Variants in IL1RAPL2 observed in about 807,000 individuals in gnomAD.
IL1RAPL2 encodes the protein interleukin 1 receptor accessory protein like 2.
In IL1RAPL2, 3 loss-of-function variants were observed where a neutral mutation model predicts 44.1. The ratio of observed to expected loss-of-function variants is 0.07; its 90% CI spans 0.03 to 0.18. The LOEUF (loss-of-function observed/expected upper bound fraction) is 0.18. IL1RAPL2 is among the 10% of genes least tolerant of loss of function. IL1RAPL2 has a pLI of 1.00. For missense variants in IL1RAPL2, 391 were observed against 496.4 expected (o/e 0.79, Z 2.02); for synonymous variants, 181 against 178.8 (o/e 1.01, Z -0.10).
At chrX:105,174,807 G>T (rs1033755830) in intron 2 of IL1RAPL2, among the ~76,000 whole-genome samples, 2 of 111,496 alleles carry the variant, frequency 1.8e-5, no homozygotes, top group Non-Finnish European at 3.8e-5. Context: ...CCCACTGCTG[G>T]TGCCTTTGAC....
intron 2 of IL1RAPL2, among the ~76,000 whole-genome samples, chrX:104,935,597 G>A (rs190483650): frequency 2.1e-4 from 23 of 112,110 alleles, no homozygotes; most frequent in African/African-American, 7.4e-4. Context: ...ACTTCTAGCC[G>A]AGGCTTTCCT....
intron 2 of IL1RAPL2, among the ~76,000 whole-genome samples, chrX:104,694,316 AT>A (rs1490225405): frequency 1.8e-5 from 2 of 111,875 alleles, no homozygotes; most frequent in Non-Finnish European, 3.8e-5. Context: ...ACTTAGAACT[AT>A]ATCCCCCACC....
At chrX:105,228,206 T>C (rs1318097874) in intron 3 of IL1RAPL2, among the ~76,000 whole-genome samples, 1 of 112,281 alleles carries the variant, frequency 8.9e-6, no homozygotes, top group African/African-American at 3.2e-5. Context: ...CATTAGATGG[T>C]CTCTGAAATT....
intron 5 of IL1RAPL2, among the ~76,000 whole-genome samples, chrX:105,335,834 T>C (rs1203050823): frequency 9.0e-6 from 1 of 111,547 alleles, no homozygotes; most frequent in African/African-American, 3.3e-5. Context: ...AATATTGTCT[T>C]TCTTGAGTAA....
chrX:105,612,616 G>A (rs2037344835), intron 6 of IL1RAPL2, among the ~76,000 whole-genome samples: 2 of 112,407 alleles, frequency 1.8e-5, no homozygotes, highest in Non-Finnish European at 3.8e-5. Context: ...AAGAAGGCAG[G>A]AAAGACGGTC....
chrX:105,765,647 T>C (rs1239095253), intron 10 of IL1RAPL2, among the ~76,000 whole-genome samples: 1 of 112,822 alleles, frequency 8.9e-6, no homozygotes, highest in Non-Finnish European at 1.9e-5. Context: ...AAGTTTCTTA[T>C]TTATCTGTAG....
chrX:105,723,203 A>G (rs1352985411), intron 7 of IL1RAPL2, among the ~76,000 whole-genome samples: 2 of 111,898 alleles, frequency 1.8e-5, no homozygotes, highest in Non-Finnish European at 3.8e-5. Context: ...GCACTAGGAC[A>G]TGAAGAAAAT....
At chrX:104,671,147 T>C (rs1223886498) in intron 2 of IL1RAPL2, among the ~76,000 whole-genome samples, 1 of 110,859 alleles carries the variant, frequency 9.0e-6, no homozygotes, top group Non-Finnish European at 1.9e-5. Flanking sequence ...CTATTATATA[T>C]GTATGTATAG....
intron 2 of IL1RAPL2, among the ~76,000 whole-genome samples, chrX:104,818,427 G>A (rs1687856081): frequency 9.2e-6 from 1 of 108,848 alleles, no homozygotes; most frequent in Non-Finnish European, 1.9e-5. Flanking sequence ...CTTGGGAGAA[G>A]TAGGTATTCT....
intron 2 of IL1RAPL2, among the ~76,000 whole-genome samples, chrX:104,791,767 C>T (rs1569315303): frequency 9.0e-6 from 1 of 111,480 alleles, no homozygotes; most frequent in Non-Finnish European, 1.9e-5. Flanking sequence ...CCTTAGGCTA[C>T]TCCCTTCCTC....
intron 2 of IL1RAPL2, among the ~76,000 whole-genome samples, chrX:105,096,466 G>A (rs1215237464): frequency 8.9e-6 from 1 of 112,522 alleles, no homozygotes; most frequent in Non-Finnish European, 1.9e-5. Flanking sequence ...CAACTTATGA[G>A]TGTATAAATA....
At chrX:105,346,343 G>T (rs956665073) in intron 5 of IL1RAPL2, among the ~76,000 whole-genome samples, 5 of 111,808 alleles carry the variant, frequency 4.5e-5, no homozygotes, top group Admixed American at 2.9e-4. Context: ...TTTCACTTTT[G>T]ATTTCTATGA....
intron 5 of IL1RAPL2, among the ~76,000 whole-genome samples, chrX:105,418,376 C>T (rs2035749722): frequency 9.0e-6 from 1 of 111,287 alleles, no homozygotes; most frequent in African/African-American, 3.3e-5. Flanking sequence ...GCTCTCCCTG[C>T]CTCAGTCTCA....
intron 2 of IL1RAPL2, among the ~76,000 whole-genome samples, chrX:105,144,668 A>T (rs1602977033): frequency 9.2e-6 from 1 of 108,769 alleles, no homozygotes; most frequent in African/African-American, 3.6e-5. Context: ...CTTTGTTCAC[A>T]GTGTTTCCTG....
chrX:105,714,004 G>A (rs1470889008), intron 6 of IL1RAPL2, among the ~76,000 whole-genome samples: 4 of 111,212 alleles, frequency 3.6e-5, no homozygotes, highest in East Asian at 2.9e-4. Flanking sequence ...ACCTTGCTGC[G>A]TTGATATTTC....
At chrX:105,735,485 C>A (rs2038440052) in intron 7 of IL1RAPL2, among the ~76,000 whole-genome samples, 1 of 111,292 alleles carries the variant, frequency 9.0e-6, no homozygotes, top group African/African-American at 3.3e-5. Context: ...TCCCAGGATT[C>A]CTCCCTTATA....
intron 2 of IL1RAPL2, among the ~76,000 whole-genome samples, chrX:104,761,505 C>T (rs922992214): frequency 6.3e-5 from 7 of 110,299 alleles, no homozygotes; most frequent in Non-Finnish European, 1.3e-4. Context: ...TCCGGCCCCT[C>T]CCAAATCTCA....
At chrX:105,416,552 TGTAAA>T (rs934991916) in intron 5 of IL1RAPL2, among the ~76,000 whole-genome samples, 8 of 112,506 alleles carry the variant, frequency 7.1e-5, no homozygotes, top group African/African-American at 2.6e-4. Flanking sequence ...AAGTAATGCA[TGTAAA>T]GTATTTTGGC....
Position 105,447,188 on chromosome X carries a change from A to T in IL1RAPL2, c.698-37125A>T, listed in dbSNP as rs1235917886. ...ATATATAAATATATATATAAATATAAATATATATAAATATATATAAATATA... is the reference window on the plus strand; with the variant it reads ...ATATATAAATATATATATAAATATATATATATATAAATATATATAAATATA... On this transcript the variant is annotated intron_variant, in intron 5 of 10. Transcript: ENST00000372582. 2.1e-4 allele frequency among the ~76,000 whole-genome samples: 3 copies of T among 14,407 alleles called. 1 individual carries two copies. The African/African-American group carries it at 4.9e-3, about 24-fold the overall frequency. 12.5% of individuals were successfully genotyped at this position (14,407 alleles called of 115,157 possible).
Sources: allele counts gnomAD v4.1 joint callset (sites outside exome capture counted in the v4.1 genomes callset), GRCh38; gene constraint gnomAD v4.1.1; transcripts MANE v1.5; gene names NCBI Gene and HGNC (gene_info 2026-07-23, HGNC 2026-07-21).